The following COL22A1 variants were observed in gnomAD, a reference collection of about 807,000 sequenced individuals.
COL22A1 encodes the protein collagen type XXII alpha 1 chain.
Under a neutral mutation model 248.9 loss-of-function variants are expected in COL22A1, and 221 were observed. The observed-to-expected ratio is 0.89, with a 90% confidence interval of 0.80 to 0.99. The LOEUF is 0.99. Among genes scored for constraint, COL22A1 ranks in the 50% least tolerant of loss-of-function variants. The probability of loss-of-function intolerance (pLI) is 0.00; values close to 1 mark genes in which losing one functional copy is unlikely to be tolerated. For missense variants in COL22A1, 2,240 were observed against 2,179.0 expected (o/e 1.03, Z -0.56); for synonymous variants, 891 against 793.4 (o/e 1.12, Z -2.07).
rs952339275 is a variant in COL22A1 at position 138,883,804 on chromosome 8, G to A, written c.-72-560C>T. Among the ~76,000 whole-genome samples the A allele has an allele frequency of 3.9e-5, 6 of 152,198 alleles. No homozygotes were observed. The East Asian group carries it at 5.8e-4, about 15-fold the overall frequency. ...TTCCCTGGGGCCTCCCCAGCCATGC[G>A]GAACAATGAGTCAATGAAACCTCTT... On this transcript the variant is annotated intron_variant, in intron 1 of 64. Transcript: ENST00000303045.
At chr8:138,912,821 G>A (rs1395373683) in intron 1 of COL22A1, among the ~76,000 whole-genome samples, 13 of 152,150 alleles carry the variant, frequency 8.5e-5, no homozygotes, top group Admixed American at 7.2e-4. Flanking sequence ...TGAGGAGGGG[G>A]ACCCGGCACA....
chr8:138,591,331 G>C, intron 64 of COL22A1, 93 bp downstream of exon 64: 1 of 760,072 alleles, frequency 1.3e-6, no homozygotes, highest in Non-Finnish European at 2.0e-6. Context: ...CCTCCTCTCC[G>C]CTCACTGCTG....
intron 3 of COL22A1, among the ~76,000 whole-genome samples, chr8:138,856,591 T>TGAGAGAGAGA (rs148698442): frequency 8.5e-5 from 9 of 105,832 alleles, no homozygotes; most frequent in Non-Finnish European, 6.5e-5. Context: ...ACAGAGGCAG[T>TGAGAGAGAGA]GAGAGAGAGA....
intron 41 of COL22A1, among the ~76,000 whole-genome samples, chr8:138,674,693 C>A (rs1825362955): frequency 6.6e-6 from 1 of 152,122 alleles, no homozygotes; most frequent in African/African-American, 2.4e-5. Context: ...GGTGAATCTG[C>A]AGGGAGTAGA....
intron 9 of COL22A1, 94 bp from the exon 10 acceptor site, chr8:138,807,906 G>C: frequency 7.7e-7 from 1 of 1,300,320 alleles, no homozygotes; most frequent in South Asian, 1.2e-5. Flanking sequence ...ATGCTTAGAA[G>C]CCAATGGCTT....
At chr8:138,860,400 A>C (rs1822363736) in intron 3 of COL22A1, among the ~76,000 whole-genome samples, 1 of 152,196 alleles carries the variant, frequency 6.6e-6, no homozygotes, top group African/African-American at 2.4e-5. Flanking sequence ...TGAGCGAGCC[A>C]GCACCTCCTC....
intron 22 of COL22A1, among the ~76,000 whole-genome samples, chr8:138,743,800 A>AG (rs1831893512): frequency 2.0e-5 from 3 of 152,192 alleles, no homozygotes; most frequent in Non-Finnish European, 4.4e-5. Flanking sequence ...GAATGCCAAG[A>AG]TGCTGAGCGG....
chr8:138,837,523 T>C (rs1049034655), intron 4 of COL22A1, among the ~76,000 whole-genome samples: 1 of 152,098 alleles, frequency 6.6e-6, no homozygotes, highest in African/African-American at 2.4e-5. Flanking sequence ...GACAGAAGCA[T>C]GGAGAGTCCC....
chr8:138,912,820 G>C (rs987333607), intron 1 of COL22A1, among the ~76,000 whole-genome samples: 9 of 152,286 alleles, frequency 5.9e-5, no homozygotes, highest in Admixed American at 3.9e-4. Context: ...CTGAGGAGGG[G>C]GACCCGGCAC....
intron 5 of COL22A1, chr8:138,827,080 G>T: frequency 2.7e-6 from 1 of 369,906 alleles, no homozygotes; most frequent in South Asian, 3.1e-5. Flanking sequence ...CACAGTAAAC[G>T]CTAAATGGTC....
chr8:138,791,918 T>C (rs148203862), intron 12 of COL22A1, among the ~76,000 whole-genome samples: 2 of 152,340 alleles, frequency 1.3e-5, no homozygotes, highest in East Asian at 3.9e-4. Context: ...GATTTTTTTT[T>C]TCTGGTGCAC....
intron 1 of COL22A1, among the ~76,000 whole-genome samples, chr8:138,894,617 C>T (rs1198570484): frequency 1.3e-5 from 2 of 152,142 alleles, no homozygotes; most frequent in Admixed American, 6.6e-5. Flanking sequence ...AGAAAAGAAA[C>T]TGGAGCTGGA....
intron 49 of COL22A1, among the ~76,000 whole-genome samples, chr8:138,634,613 T>C (rs543070901): frequency 6.6e-6 from 1 of 152,294 alleles, no homozygotes; most frequent in South Asian, 2.1e-4. Context: ...TGGAGATCAT[T>C]GAGATAATAT....
chr8:138,738,900 T>C (rs949785947), intron 22 of COL22A1, among the ~76,000 whole-genome samples: 3 of 152,152 alleles, frequency 2.0e-5, no homozygotes, highest in African/African-American at 7.2e-5. Flanking sequence ...AATCTCCAAC[T>C]CAGGCACACC....
At chr8:138,774,749 C>T (rs1337988243) in intron 16 of COL22A1, among the ~76,000 whole-genome samples, 2 of 152,162 alleles carry the variant, frequency 1.3e-5, no homozygotes, top group East Asian at 3.9e-4. Flanking sequence ...AAACTGGAAA[C>T]AATTGTAAAT....
At chr8:138,737,811 C>T (rs558787312) in intron 22 of COL22A1, among the ~76,000 whole-genome samples, 8 of 151,842 alleles carry the variant, frequency 5.3e-5, no homozygotes, top group African/African-American at 1.9e-4. Context: ...TAAATGTGTT[C>T]GGTAACTCAT....
intron 39 of COL22A1, among the ~76,000 whole-genome samples, chr8:138,683,884 C>T (rs2130848608): frequency 6.6e-6 from 1 of 152,210 alleles, no homozygotes; most frequent in South Asian, 2.1e-4. Flanking sequence ...TCAGTGTCTC[C>T]CACCACTTCA....
intron 4 of COL22A1, among the ~76,000 whole-genome samples, chr8:138,835,796 C>T (rs532539903): frequency 6.6e-6 from 1 of 151,566 alleles, no homozygotes; most frequent in South Asian, 2.1e-4. Flanking sequence ...CCTCTCTGGG[C>T]TTATTTCTTC....
intron 59 of COL22A1, among the ~76,000 whole-genome samples, chr8:138,604,473 T>C (rs1164538869): frequency 6.6e-6 from 1 of 152,162 alleles, no homozygotes; most frequent in African/African-American, 2.4e-5. Flanking sequence ...CAGGATTTGT[T>C]GATAGCTTGG....
Sources: gnomAD v4.1 joint callset for allele counts (sites outside exome capture counted in the v4.1 genomes callset) on GRCh38, gnomAD v4.1.1 for gene constraint, MANE v1.5 for transcripts, NCBI Gene and HGNC (gene_info 2026-07-23, HGNC 2026-07-21) for gene names.